AFDN: variants seen among roughly 807,000 people sequenced by gnomAD.
The protein encoded by AFDN is afadin.
A neutral mutation model predicts 216.6 loss-of-function variants in AFDN; 68 were observed. The observed-to-expected ratio is 0.31, with a 90% CI of 0.26 to 0.38. The LOEUF (loss-of-function observed/expected upper bound fraction) is 0.38. AFDN is among the 10% of genes least tolerant of loss of function. The pLI, the probability that AFDN is intolerant of heterozygous loss-of-function variation, is 1.00. For missense variants in AFDN, 2,136 were observed against 2,342.0 expected, an observed-to-expected ratio of 0.91 and a Z score of 1.82; for synonymous variants, 868 against 853.7, an observed-to-expected ratio of 1.02 and a Z score of -0.29.
chr6:167,854,775 T>G, intron 1 of AFDN, among the ~76,000 whole-genome samples: 1 of 150,892 alleles, frequency 6.6e-6, no homozygotes, highest in Non-Finnish European at 1.5e-5. Flanking sequence ...TTATAGTTTT[T>G]TTAAACATCT....
At position 167,965,804 on chromosome 6, in the gene AFDN, C is replaced by A; in HGVS notation, c.5016C>A (p.Arg1672=). The change falls in exon 32 of 34, where the codon CGC becomes CGA. Residue 1672 remains arginine, a synonymous_variant. Coordinates refer to ENST00000683244, the MANE Select transcript of AFDN (RefSeq NM_001386888.1). ...ACAGCCGCCTGGAAGCCGAGAGGCG[C>A]AGACAGCACGACGAGGCGGCGCGCA... The part of the protein sequence containing the change: ...GYYSRLEAER[R]RQHDEAARRL... The A allele has an allele frequency of 6.4e-7, 1 of 1,569,512 alleles. No homozygotes were observed. Among genetic ancestry groups the A allele is most frequent in the Admixed American group, 1.9e-5 (1 of 53,816 alleles).
Position 167,964,206 on chromosome 6 carries a change from A to G in AFDN, c.4969-1551A>G, listed in dbSNP as rs745408165. On this transcript the variant is annotated intron_variant, in intron 31 of 33. Coordinates refer to ENST00000683244, the MANE Select transcript of AFDN (RefSeq NM_001386888.1). ...GTAAAAAGGCGAATAACCTATTTTT[A>G]TATCAGAATGTCCAAAACTCATGGG... The G allele has an allele frequency of 6.6e-6, 7 of 1,063,702 alleles. No homozygotes were observed. In the African/African-American group the frequency reaches 9.8e-5, roughly 15 times the overall value. 65.9% of individuals were successfully genotyped at this position (1,063,702 alleles called of 1,614,324 possible).
chr6:167,970,295 G>A lies in AFDN; in HGVS notation c.*360G>A, dbSNP rs1024863076. On this transcript the variant is annotated 3_prime_UTR_variant, in exon 34 of 34. Transcript: ENST00000683244. ...TCCCATCTTCCCCTCATCATCGACC[G>A]AGGAGCACAAAGAAGTTCTGTTTCT... 1.1e-5 allele frequency: 3 copies of A among 271,116 alleles called. No individual in the cohort carries two copies. Among genetic ancestry groups the A allele is most frequent in the African/African-American group, 2.2e-5 (1 of 45,444 alleles). The allele number at this position is 271,116 out of a possible 1,614,324, so 16.8% of individuals were successfully genotyped here.
chr6:167,900,508 A>G (rs569457775), intron 11 of AFDN, among the ~76,000 whole-genome samples: 8 of 152,330 alleles, frequency 5.3e-5, no homozygotes, highest in African/African-American at 1.9e-4. Context: ...GATAATTTCA[A>G]AGTCATATTA....
At chr6:167,965,707 G>T in intron 31 of AFDN, 50 bp from the exon 32 acceptor site, 1 of 1,471,544 alleles carries the variant, frequency 6.8e-7, no homozygotes, top group African/African-American at 1.4e-5. Context: ...TGGGTCGGCT[G>T]TTCCCTTCTC....
intron 15 of AFDN, among the ~76,000 whole-genome samples, chr6:167,912,594 A>G (rs1285897019): frequency 1.3e-5 from 2 of 152,190 alleles, no homozygotes; most frequent in Non-Finnish European, 2.9e-5. Context: ...TCATGTCATT[A>G]TTTTATAAAC....
In AFDN at chr6:167,921,431, GT is replaced by G. The variant is rs538938742; in HGVS notation, c.2909-1421del. Among the ~76,000 whole-genome samples, 140 of 152,310 alleles carry G rather than the reference GT, an allele frequency of 9.2e-4. 1 individual carries two copies. Among genetic ancestry groups the G allele is most frequent in the Non-Finnish European group, 1.5e-3 (102 of 68,030 alleles). On this transcript the variant is annotated intron_variant, in intron 21 of 33. Coordinates refer to ENST00000683244, the MANE Select transcript of AFDN (RefSeq NM_001386888.1). ...TTAGAAGACTTACAAAGAATCGAGT[GT>G]TTTCTTTCATGACATCAGTGTTTTT...
chr6:167,939,607 G>C (rs1794436210), intron 23 of AFDN, among the ~76,000 whole-genome samples: 1 of 152,182 alleles, frequency 6.6e-6, no homozygotes, highest in Non-Finnish European at 1.5e-5. Flanking sequence ...GTGGAGCTTA[G>C]GACAATACAG....
In AFDN at chr6:167,911,339, C is replaced by T. The variant is rs900406940; in HGVS notation, c.1887C>T (p.His629=). The change falls in exon 15 of 34, where the codon CAC becomes CAT. Residue 629 remains histidine (H), a synonymous_variant. Transcript: ENST00000683244. Reference sequence around the variant, plus strand: ...ATTATACTAATAGCTCTACAGTCCACTTTAAGTTGTCCCCTACATATGTAT... The same window carrying T: ...ATTATACTAATAGCTCTACAGTCCATTTTAAGTTGTCCCCTACATATGTAT... ...IINYTNSSTV[H]FKLSPTYVLY... is the part of the protein sequence containing the mutation. 1.2e-6 allele frequency: 2 copies of T among 1,614,064 alleles called. No homozygotes were observed. Among genetic ancestry groups the T allele is most frequent in the African/African-American group, 1.3e-5 (1 of 75,032 alleles).
chr6:167,857,765 A>G (rs532362980), intron 1 of AFDN, among the ~76,000 whole-genome samples: 2 of 152,288 alleles, frequency 1.3e-5, no homozygotes, highest in East Asian at 3.9e-4. Context: ...TTATATTACT[A>G]CATTCTAGGT....
At chr6:167,862,557 TAG>T (rs1783713451) in intron 1 of AFDN, among the ~76,000 whole-genome samples, 1 of 152,138 alleles carries the variant, frequency 6.6e-6, no homozygotes. Flanking sequence ...TGTATTTTTG[TAG>T]AGACAGGGTT....
At chr6:167,923,905 A>G (rs1170824029) in intron 22 of AFDN, among the ~76,000 whole-genome samples, 1 of 152,096 alleles carries the variant, frequency 6.6e-6, no homozygotes, top group Admixed American at 6.6e-5. Flanking sequence ...GATTACAGGC[A>G]TGAGCCACCT....
At chr6:167,889,483 G>C (rs1441110164) in intron 7 of AFDN, among the ~76,000 whole-genome samples, 157 bp downstream of exon 7, 2 of 152,186 alleles carry the variant, frequency 1.3e-5, no homozygotes, top group African/African-American at 4.8e-5. Flanking sequence ...GCCCAGGCTG[G>C]AGTGCAGTGG....
At chr6:167,863,179 T>G (rs1783787618) in intron 1 of AFDN, among the ~76,000 whole-genome samples, 1 of 152,236 alleles carries the variant, frequency 6.6e-6, no homozygotes, top group Non-Finnish European at 1.5e-5. Flanking sequence ...AAATGCATAT[T>G]GCAGCATTTC....
chr6:167,949,386 C>T (rs958476096), intron 29 of AFDN, among the ~76,000 whole-genome samples: 12 of 151,560 alleles, frequency 7.9e-5, no homozygotes, highest in African/African-American at 2.4e-4. Flanking sequence ...CAGTAGGCAG[C>T]GGAGAGAGGA....
At chr6:167,853,461 ATCTTTTTTCTGT>A (rs1782541288) in intron 1 of AFDN, among the ~76,000 whole-genome samples, 1 of 152,070 alleles carries the variant, frequency 6.6e-6, no homozygotes, top group Admixed American at 6.5e-5. Flanking sequence ...TCAGAAAAAA[ATCTTTTTTCTGT>A]ATGCTAATAT....
chr6:167,943,602 G>A, intron 25 of AFDN, 127 bp downstream of exon 25: 5 of 694,436 alleles, frequency 7.2e-6, no homozygotes, highest in Non-Finnish European at 1.3e-5. Context: ...CTTTTATAGT[G>A]TACGTGACAT....
intron 27 of AFDN, among the ~76,000 whole-genome samples, chr6:167,947,459 T>C (rs7761318): frequency 6.6e-6 from 1 of 152,044 alleles, no homozygotes; most frequent in Non-Finnish European, 1.5e-5. Context: ...GATTACAGGC[T>C]TGAGCCACCA....
intron 30 of AFDN, chr6:167,952,673 CTTTA>C (rs1316406096): frequency 3.2e-5 from 6 of 188,382 alleles, no homozygotes; most frequent in African/African-American, 1.2e-4. Flanking sequence ...ACCAATAAAA[CTTTA>C]TTTACAGAAA....
Sources: allele counts gnomAD v4.1 joint callset (sites outside exome capture counted in the v4.1 genomes callset), GRCh38; gene constraint gnomAD v4.1.1; transcripts MANE v1.5; gene names NCBI Gene and HGNC (gene_info 2026-07-23, HGNC 2026-07-21).